Variants in DEPDC4 observed in about 807,000 individuals in gnomAD.
DEPDC4 encodes the protein DEP domain-containing protein 4.
In DEPDC4, 52 loss-of-function variants were observed where a neutral mutation model predicts 52.0. The observed-to-expected ratio is 1.00, with a 90% confidence interval of 0.80 to 1.26. The LOEUF (loss-of-function observed/expected upper bound fraction) is 1.26, where lower values mean the gene tolerates loss of function less well. Among genes scored for constraint, DEPDC4 ranks in the 50% most tolerant of loss-of-function variants. DEPDC4 has a pLI of 0.00. For missense variants in DEPDC4, 530 were observed against 546.9 expected, an observed-to-expected ratio of 0.97 and a Z score of 0.31; for synonymous variants, 201 against 196.8, an observed-to-expected ratio of 1.02 and a Z score of -0.18.
In DEPDC4 at chr12:100,254,984, C is replaced by T. The variant is rs549431958; in HGVS notation, c.878+1065G>A. Reference sequence around the variant, plus strand: ...CAAGCAATCTTCTCAGCTTAGCCTCCCAAGTTGCTGGGATTACAGGCCCTT... The same window carrying T: ...CAAGCAATCTTCTCAGCTTAGCCTCTCAAGTTGCTGGGATTACAGGCCCTT... On this transcript the variant is annotated intron_variant, in intron 4 of 9. Transcript: ENST00000550587. 3.9e-4 allele frequency among the ~76,000 whole-genome samples: 59 copies of T among 152,336 alleles called. 1 individual carries two copies. In the South Asian group the frequency reaches 0.012, roughly 32 times the overall value.
intron 7 of DEPDC4, 101 bp downstream of exon 7, chr12:100,252,075 T>C (rs2096210450): frequency 9.7e-7 from 1 of 1,030,922 alleles, no homozygotes; most frequent in Non-Finnish European, 1.2e-6. Flanking sequence ...CTTTGCACAT[T>C]ATAGGTACTT....
At chr12:100,242,078 T>C (rs1017358030) in intron 9 of DEPDC4, among the ~76,000 whole-genome samples, 1 of 152,146 alleles carries the variant, frequency 6.6e-6, no homozygotes, top group Non-Finnish European at 1.5e-5. Flanking sequence ...GAAACTAGTA[T>C]CCCAGTTTCA....
intron 6 of DEPDC4, 29 bp downstream of exon 6, chr12:100,252,365 A>G (rs1566315909): frequency 6.7e-7 from 1 of 1,500,094 alleles, no homozygotes; most frequent in Admixed American, 2.2e-5. Flanking sequence ...GCAAAAAAAA[A>G]TGGCAAAACT....
At chr12:100,256,346 T>C (rs1377160292) in intron 3 of DEPDC4, 120 bp from the exon 4 acceptor site, 13 of 623,420 alleles carry the variant, frequency 2.1e-5, no homozygotes, top group Non-Finnish European at 2.9e-5. Flanking sequence ...AGTAGTAATA[T>C]AATGGGTTAA....
chr12:100,270,584 A>C (rs2096286518), upstream of DEPDC4, among the ~76,000 whole-genome samples: 1 of 150,826 alleles, frequency 6.6e-6, no homozygotes, highest in African/African-American at 2.4e-5. Flanking sequence ...TACTAATTTG[A>C]TATTTAAGCG....
chr12:100,266,183 A>G (rs1226065449), intron 1 of DEPDC4, among the ~76,000 whole-genome samples: 1 of 148,134 alleles, frequency 6.8e-6, no homozygotes, highest in Non-Finnish European at 1.5e-5. Flanking sequence ...AGAATCCAAG[A>G]ACTTAAGCTC....
chr12:100,244,095 GTATATATATATATATATATA>G lies in DEPDC4; in HGVS notation c.1454-1546_1454-1527del, dbSNP rs774444544. ...CCTCTCTCTCTCTCTCTCTCTCTGT[GTATATATATATATATATATA>G]TATATATATATATATATATACACAA... On this transcript the variant is annotated intron_variant, in intron 8 of 9. Transcript: ENST00000550587. 7.4e-3 allele frequency among the ~76,000 whole-genome samples: 382 copies of G among 51,644 alleles called. 8 individuals carry two copies. Among genetic ancestry groups the G allele is most frequent in the Middle Eastern group, 0.017 (1 of 60 alleles). The allele number at this position is 51,644 out of a possible 152,430, so 33.9% of individuals were successfully genotyped here. A position where few individuals can be genotyped will look rare whatever the true frequency, so the allele number is the denominator to read the frequency against.
chr12:100,248,859 A>C, intron 8 of DEPDC4, 41 bp downstream of exon 8: 1 of 872,990 alleles, frequency 1.1e-6, no homozygotes, highest in East Asian at 1.2e-4. Context: ...TGGCAACAAC[A>C]GTCACTTAAT....
At position 100,240,994 on chromosome 12, in the gene DEPDC4, C is replaced by A. The variant is rs2096156640; in HGVS notation, c.*898G>T. Reference sequence around the variant, plus strand: ...GCTTGAACCCAGGAGGCAGAGGTTGCAGTGAGGTGAGATGGTGCCACTGCA... The same window carrying A: ...GCTTGAACCCAGGAGGCAGAGGTTGAAGTGAGGTGAGATGGTGCCACTGCA... On this transcript the variant is annotated 3_prime_UTR_variant, in exon 10 of 10. Coordinates refer to ENST00000550587, the MANE Select transcript of DEPDC4 (RefSeq NM_001364818.2). Among the ~76,000 whole-genome samples, 1 of 152,178 alleles carries A rather than the reference C, an allele frequency of 6.6e-6. No homozygotes were observed. Among genetic ancestry groups the A allele is most frequent in the African/African-American group, 2.4e-5 (1 of 41,432 alleles).
chr12:100,276,284 A>G, the DEPDC4 span, among the ~76,000 whole-genome samples: 1 of 151,496 alleles, frequency 6.6e-6, no homozygotes, highest in African/African-American at 2.4e-5. Flanking sequence ...AATCTGTAGA[A>G]TTTCTGTTAT....
chr12:100,248,963 A>G lies in DEPDC4; in HGVS notation c.1390T>C (p.Leu464=). ...TTAAGTTTCTTACTAACCAGATCCAATAAAGTAACTGGTGTCTACACAAAA... is the reference window on the plus strand; with the variant it reads ...TTAAGTTTCTTACTAACCAGATCCAGTAAAGTAACTGGTGTCTACACAAAA... ...SELFKTPVTL[L]DLVSKKLKKL... Residue 464 remains leucine (L), a synonymous_variant, in exon 8 of 10, where the codon TTG becomes CTG. Coordinates refer to ENST00000550587, the MANE Select transcript of DEPDC4 (RefSeq NM_001364818.2). 1 of 983,934 alleles carries G rather than the reference A, an allele frequency of 1.0e-6. No homozygotes were observed. Among genetic ancestry groups the G allele is most frequent in the Non-Finnish European group, 1.2e-6 (1 of 828,182 alleles). 61.0% of individuals were successfully genotyped at this position (983,934 alleles called of 1,614,324 possible).
intron 1 of DEPDC4, among the ~76,000 whole-genome samples, 189 bp from the exon 2 acceptor site, chr12:100,264,082 AAC>A (rs1214336512): frequency 6.6e-6 from 1 of 152,208 alleles, no homozygotes; most frequent in Non-Finnish European, 1.5e-5. Context: ...TGCCAATAAA[AAC>A]AGAGTAAACC....
intron 8 of DEPDC4, among the ~76,000 whole-genome samples, chr12:100,243,096 C>T (rs1250625949): frequency 3.3e-5 from 5 of 152,008 alleles, no homozygotes; most frequent in Non-Finnish European, 7.4e-5. Context: ...ACAGCAATAA[C>T]CAATAATAAA....
In DEPDC4 at chr12:100,240,912, G is replaced by A. The variant is rs1163735195; in HGVS notation, c.*980C>T. Among the ~76,000 whole-genome samples the A allele has an allele frequency of 5.3e-5, 8 of 152,124 alleles. No homozygotes were observed. The highest frequency in any genetic ancestry group is 5.2e-4 in the Admixed American group (8 of 15,246). On this transcript the variant is annotated 3_prime_UTR_variant, in exon 10 of 10. Coordinates refer to ENST00000550587, the MANE Select transcript of DEPDC4 (RefSeq NM_001364818.2). ...TACTAAAACTACAAAAATTAGCCGG[G>A]CATAGTGGCAGGTACCTATAATCCC...
intron 5 of DEPDC4, among the ~76,000 whole-genome samples, chr12:100,253,195 G>A (rs1198930278): frequency 6.6e-6 from 1 of 152,218 alleles, no homozygotes; most frequent in Non-Finnish European, 1.5e-5. Context: ...TGGGATTACA[G>A]GTGTGAGCCA....
chr12:100,252,410 T>C lies in DEPDC4; in HGVS notation c.1232A>G (p.Tyr411Cys), dbSNP rs770928970. The C allele has an allele frequency of 6.4e-7, 1 of 1,574,098 alleles. No homozygotes were observed. The highest frequency in any genetic ancestry group is 1.2e-5 in the South Asian group (1 of 86,310). Reference sequence around the variant, plus strand: ...ATTTTTCACCTGTTTTTGCAACTTGTAGGCATTGGGCTCTGATGCCATTGC... The same window carrying C: ...ATTTTTCACCTGTTTTTGCAACTTGCAGGCATTGGGCTCTGATGCCATTGC... ...FMAMASEPNA[Y>C]KLQKQYDNKT... Residue 411 changes from tyrosine to cysteine, a missense_variant, in exon 6 of 10, where the codon TAC becomes TGC. Transcript: ENST00000550587.
chr12:100,278,960 T>C, the DEPDC4 span, among the ~76,000 whole-genome samples: 2 of 152,274 alleles, frequency 1.3e-5, no homozygotes, highest in Non-Finnish European at 2.9e-5. Context: ...TGTTCTTATA[T>C]GTAATTTACT....
At chr12:100,280,510 C>T in the DEPDC4 span, among the ~76,000 whole-genome samples, 3 of 152,126 alleles carry the variant, frequency 2.0e-5, no homozygotes, top group Non-Finnish European at 2.9e-5. Flanking sequence ...TGCAGACATT[C>T]TAGTTTGAAG....
intron 8 of DEPDC4, 57 bp downstream of exon 8, chr12:100,248,843 C>T: frequency 1.3e-6 from 1 of 776,974 alleles, no homozygotes; most frequent in Non-Finnish European, 1.6e-6. Flanking sequence ...GCCTTCCCAA[C>T]TCATTTGGCA....
Sources: allele counts gnomAD v4.1 joint callset (sites outside exome capture counted in the v4.1 genomes callset), GRCh38; gene constraint gnomAD v4.1.1; transcripts MANE v1.5; gene names NCBI Gene and HGNC (gene_info 2026-07-23, HGNC 2026-07-21).